Variants in LGSN observed in about 807,000 individuals in gnomAD.
The protein encoded by LGSN is lengsin.
A neutral mutation model predicts 19.5 loss-of-function variants in LGSN; 21 were observed. That is an observed-to-expected ratio of 1.07 (90% confidence interval 0.76 to 1.55). The LOEUF is 1.55. Ranked by LOEUF, LGSN falls within the 40% of genes most tolerant of loss-of-function variation. The pLI is 0.00. For missense variants in LGSN, 673 were observed against 608.5 expected, an observed-to-expected ratio of 1.11 and a Z score of -1.12; for synonymous variants, 257 against 215.6, an observed-to-expected ratio of 1.19 and a Z score of -1.68.
chr6:63,321,491 C>G (rs557774129), upstream of LGSN, among the ~76,000 whole-genome samples: 1 of 152,168 alleles, frequency 6.6e-6, no homozygotes, highest in African/African-American at 2.4e-5. Flanking sequence ...ATTGAATATG[C>G]AATTTGATTC....
chr6:63,518,793 A>G, the LGSN span, among the ~76,000 whole-genome samples: 1 of 152,364 alleles, frequency 6.6e-6, no homozygotes, highest in South Asian at 2.1e-4. Context: ...AGTTGCTGAA[A>G]AGATAGAAAA....
At chr6:63,356,837 A>T in the LGSN span, among the ~76,000 whole-genome samples, 1 of 150,576 alleles carries the variant, frequency 6.6e-6, no homozygotes, top group Non-Finnish European at 1.5e-5. Flanking sequence ...ACAACCCCCA[A>T]TTTTTTTTTA....
At chr6:63,380,058 C>T in the LGSN span, among the ~76,000 whole-genome samples, 10 of 152,174 alleles carry the variant, frequency 6.6e-5, no homozygotes, top group South Asian at 2.1e-4. Context: ...AGGCTGGTCT[C>T]GAACTCCTGA....
chr6:63,324,011 G>A (rs567103278), upstream of LGSN, among the ~76,000 whole-genome samples: 1 of 152,142 alleles, frequency 6.6e-6, no homozygotes, highest in South Asian at 2.1e-4. Flanking sequence ...GACCTCAGGT[G>A]ATCCACCTGC....
chr6:63,314,957 T>C (rs1768783036), intron 1 of LGSN, among the ~76,000 whole-genome samples: 2 of 151,984 alleles, frequency 1.3e-5, no homozygotes, highest in Admixed American at 1.3e-4. Context: ...GGTCACAAAC[T>C]CAGAAGGACA....
chr6:63,309,905 CTACTGCCATGT>C (rs1039201085), intron 1 of LGSN, among the ~76,000 whole-genome samples: 1 of 152,170 alleles, frequency 6.6e-6, no homozygotes, highest in Non-Finnish European at 1.5e-5. Context: ...ATCCTTCATA[CTACTGCCATGT>C]TATTTTTCTA....
the LGSN span, among the ~76,000 whole-genome samples, chr6:63,325,756 T>A: frequency 1.5e-4 from 23 of 152,294 alleles, no homozygotes; most frequent in African/African-American, 5.5e-4. Flanking sequence ...GGGTTCGTGG[T>A]CTCGCTGGCT....
chr6:63,549,562 T>TC, the LGSN span: 2 of 609,440 alleles, frequency 3.3e-6, no homozygotes, highest in African/African-American at 1.9e-5. Context: ...TGACAAGATT[T>TC]GAAGTTTTTT....
chr6:63,365,933 G>A, the LGSN span, among the ~76,000 whole-genome samples: 2 of 152,096 alleles, frequency 1.3e-5, no homozygotes, highest in Non-Finnish European at 1.5e-5. Context: ...TTGATGGGAT[G>A]TATCTCAAAA....
chr6:63,412,668 G>GAAA, the LGSN span, among the ~76,000 whole-genome samples: 333 of 111,454 alleles, frequency 3.0e-3, 13 homozygotes, highest in African/African-American at 0.013. Context: ...AGGAAAGGAA[G>GAAA]GAAAGGAAGA....
the LGSN span, among the ~76,000 whole-genome samples, chr6:63,570,777 T>C: frequency 6.6e-6 from 1 of 152,224 alleles, no homozygotes; most frequent in African/African-American, 2.4e-5. Flanking sequence ...ATTATATACA[T>C]TGGCCAAGCT....
the LGSN span, among the ~76,000 whole-genome samples, chr6:63,467,729 T>C: frequency 2.4e-4 from 36 of 152,192 alleles, no homozygotes; most frequent in African/African-American, 8.7e-4. Flanking sequence ...TCTCACTCTG[T>C]TGCCCAGGCT....
At chr6:63,327,453 C>G in the LGSN span, among the ~76,000 whole-genome samples, 1 of 152,184 alleles carries the variant, frequency 6.6e-6, no homozygotes, top group Non-Finnish European at 1.5e-5. Context: ...CTCATGCTAT[C>G]CCAGACTGGT....
At chr6:63,496,272 A>G in the LGSN span, among the ~76,000 whole-genome samples, 1 of 152,160 alleles carries the variant, frequency 6.6e-6, no homozygotes, top group East Asian at 1.9e-4. Context: ...GTTCTGTAGC[A>G]TTTTCCATGT....
chr6:63,367,890 A>G, the LGSN span, among the ~76,000 whole-genome samples: 1 of 150,134 alleles, frequency 6.7e-6, no homozygotes, highest in Non-Finnish European at 1.5e-5. Context: ...GAAGTGAACA[A>G]TGAGAACACT....
At chr6:63,467,929 T>C in the LGSN span, among the ~76,000 whole-genome samples, 39 of 152,144 alleles carry the variant, frequency 2.6e-4, no homozygotes, top group African/African-American at 9.4e-4. Context: ...TGACCTCAAA[T>C]GATCCACCCG....
chr6:63,572,531 C>A, the LGSN span: 1 of 392,334 alleles, frequency 2.5e-6, no homozygotes, highest in Non-Finnish European at 4.5e-6. Flanking sequence ...CGGCTACGCG[C>A]TCTGCTCCGA....
intron 2 of LGSN, among the ~76,000 whole-genome samples, chr6:63,286,339 T>C (rs755607763): frequency 1.3e-5 from 2 of 152,102 alleles, no homozygotes; most frequent in East Asian, 3.8e-4. Context: ...CAAACAAAAG[T>C]GTGGGTTTTT....
the LGSN span, among the ~76,000 whole-genome samples, chr6:63,448,952 A>G: frequency 6.6e-6 from 1 of 152,226 alleles, no homozygotes; most frequent in Non-Finnish European, 1.5e-5. Context: ...ACAGTATAAC[A>G]ACTATTTGTA....
Sources: gnomAD v4.1 joint callset for allele counts (sites outside exome capture counted in the v4.1 genomes callset) on GRCh38, gnomAD v4.1.1 for gene constraint, MANE v1.5 for transcripts, NCBI Gene and HGNC (gene_info 2026-07-23, HGNC 2026-07-21) for gene names.